The following SMARCA1 variants were observed in gnomAD, a reference collection of about 807,000 sequenced individuals.
The protein encoded by SMARCA1 is SWI/SNF-related matrix-associated actin-dependent regulator of chromatin subfamily A member 1.
In SMARCA1, 17 loss-of-function variants were observed where a neutral mutation model predicts 93.6. That is an observed-to-expected ratio of 0.18 (90% CI 0.12 to 0.27). The LOEUF (loss-of-function observed/expected upper bound fraction) is 0.27, where lower values mean the gene tolerates loss of function less well. Among genes scored for constraint, SMARCA1 ranks in the 10% least tolerant of loss-of-function variants. The probability of loss-of-function intolerance (pLI) is 1.00; values close to 1 mark genes in which losing one functional copy is unlikely to be tolerated. For missense variants in SMARCA1, 630 were observed against 819.0 expected (o/e 0.77, Z 2.82); for synonymous variants, 271 against 271.4 (o/e 1.00, Z 0.01).
chrX:129,479,653 ATATTTTATTTTATTT>A (rs3069688), intron 19 of SMARCA1, among the ~76,000 whole-genome samples: 158 of 94,046 alleles, frequency 1.7e-3, no homozygotes, highest in East Asian at 8.8e-3. Context: ...AATAGTGTTA[ATATTTTATTTTATTT>A]TATTTTATTT....
chrX:129,496,984 C>CGCACACACACACGT (rs959629800), intron 11 of SMARCA1, 113 bp from the exon 12 acceptor site: 5 of 547,974 alleles, frequency 9.1e-6, no homozygotes, highest in Non-Finnish European at 1.5e-5. Flanking sequence ...ACTCCACTAA[C>CGCACACACACACGT]GCACACACAC....
intron 9 of SMARCA1, among the ~76,000 whole-genome samples, 177 bp downstream of exon 9, chrX:129,504,549 TAAAAAAAA>T (rs780225300): frequency 0.04 from 966 of 23,897 alleles, no homozygotes; most frequent in Middle Eastern, 0.12. Context: ...CATAGAGGAA[TAAAAAAAA>T]AAAAAAAAAA....
chrX:129,496,877 A>G lies in SMARCA1; in HGVS notation c.1505-6T>C. Reference sequence around the variant, plus strand: ...GAAAATGAGAACCCTTGAACCTAAAACATTTCACCAAGAAAAAGTGAGTTG... The same window carrying G: ...GAAAATGAGAACCCTTGAACCTAAAGCATTTCACCAAGAAAAAGTGAGTTG... On this transcript the variant is annotated splice_region_variant and splice_polypyrimidine_tract_variant and intron_variant, in intron 11 of 24. Transcript: ENST00000371121. The G allele has an allele frequency of 8.4e-7, 1 of 1,193,861 alleles. No homozygotes were observed. The highest frequency in any genetic ancestry group is 1.1e-6 in the Non-Finnish European group (1 of 887,241).
chrX:129,483,850 G>GA (rs902587361), intron 17 of SMARCA1, among the ~76,000 whole-genome samples: 4 of 112,080 alleles, frequency 3.6e-5, no homozygotes, highest in Non-Finnish European at 5.6e-5. Context: ...AACCATATAT[G>GA]AAAATCTACC....
intron 1 of SMARCA1, among the ~76,000 whole-genome samples, chrX:129,520,367 G>A (rs867279138): frequency 1.7e-4 from 19 of 110,605 alleles, no homozygotes; most frequent in Middle Eastern, 4.6e-3. Context: ...TAATCCAACC[G>A]TCACTTAAAC....
At chrX:129,449,119 ATG>A (rs1932155703) in intron 23 of SMARCA1, among the ~76,000 whole-genome samples, 1 of 111,738 alleles carries the variant, frequency 8.9e-6, no homozygotes, top group Non-Finnish European at 1.9e-5. Flanking sequence ...TGAAGGGTGC[ATG>A]AGACCTCCCT....
intron 23 of SMARCA1, among the ~76,000 whole-genome samples, chrX:129,460,139 CCT>C (rs1319640930): frequency 1.8e-5 from 2 of 110,341 alleles, no homozygotes; most frequent in African/African-American, 6.6e-5. Context: ...AGAAAAAGAC[CCT>C]GTTTCAAAAA....
At chrX:129,487,183 T>A in intron 16 of SMARCA1, 46 bp from the exon 17 acceptor site, 1 of 957,738 alleles carries the variant, frequency 1.0e-6, no homozygotes, top group Non-Finnish European at 1.4e-6. Flanking sequence ...CTGAATTACT[T>A]GTAAAAGTCT....
rs1460711465 is a variant in SMARCA1, at chrX:129,491,037, C to G, written c.1816-845G>C. On this transcript the variant is annotated intron_variant, in intron 14 of 24. Transcript: ENST00000371121. ...TAACACTGTAACTTACTGGGGCTTACTCCTAGTTAGTCATATCAAACAGGT... is the reference window on the plus strand; with the variant it reads ...TAACACTGTAACTTACTGGGGCTTAGTCCTAGTTAGTCATATCAAACAGGT... Among the ~76,000 whole-genome samples, 4 of 111,862 alleles carry G rather than the reference C, an allele frequency of 3.6e-5. No individual in the cohort carries two copies. In the East Asian group the frequency reaches 1.1e-3, roughly 31 times the overall value.
intron 23 of SMARCA1, among the ~76,000 whole-genome samples, 193 bp from the exon 24 acceptor site, chrX:129,448,636 T>G (rs1435821146): frequency 1.8e-5 from 2 of 110,900 alleles, no homozygotes; most frequent in Non-Finnish European, 3.8e-5. Flanking sequence ...TATGGATGAC[T>G]GGTTAAACAA....
intron 1 of SMARCA1, among the ~76,000 whole-genome samples, chrX:129,521,266 G>C (rs147517106): frequency 8.9e-6 from 1 of 112,205 alleles, no homozygotes; most frequent in Non-Finnish European, 1.9e-5. Flanking sequence ...ACAACCTGCG[G>C]GATTTCAGGT....
intron 1 of SMARCA1, among the ~76,000 whole-genome samples, chrX:129,522,601 C>A (rs1311857049): frequency 9.0e-6 from 1 of 111,004 alleles, no homozygotes; most frequent in South Asian, 3.9e-4. Context: ...GGGGTTCAAA[C>A]GAACAAGGGA....
chrX:129,486,868 G>T (rs1343366131), intron 17 of SMARCA1, 150 bp downstream of exon 17: 3 of 492,792 alleles, frequency 6.1e-6, no homozygotes, highest in African/African-American at 4.8e-5. Context: ...TAAAATAAAC[G>T]AAAGATATAC....
Position 129,482,343 on chromosome X carries a change from T to G in SMARCA1, c.2218-1158A>C, listed in dbSNP as rs761318976. Reference sequence around the variant, plus strand: ...ACTTAAAGTATAATTTAAAAAAATTTAAAAAAGAAGAAAAAAAAGAAAGAA... The same window carrying G: ...ACTTAAAGTATAATTTAAAAAAATTGAAAAAAGAAGAAAAAAAAGAAAGAA... On this transcript the variant is annotated intron_variant, in intron 17 of 24. Transcript: ENST00000371121. Among the ~76,000 whole-genome samples, 14 of 109,945 alleles carry G rather than the reference T, an allele frequency of 1.3e-4. No individual in the cohort carries two copies. In the South Asian group the frequency reaches 5.4e-3, roughly 43 times the overall value.
chrX:129,490,688 G>T (rs1178012049), intron 14 of SMARCA1, among the ~76,000 whole-genome samples: 1 of 111,335 alleles, frequency 9.0e-6, no homozygotes, highest in Non-Finnish European at 1.9e-5. Flanking sequence ...GTTTATAGTT[G>T]GTACAGGTGA....
intron 23 of SMARCA1, among the ~76,000 whole-genome samples, chrX:129,460,517 G>T (rs1001912172): frequency 9.1e-6 from 1 of 110,321 alleles, no homozygotes; most frequent in African/African-American, 3.3e-5. Context: ...CGGTCGTAGT[G>T]ATGCGCAACT....
intron 9 of SMARCA1, among the ~76,000 whole-genome samples, chrX:129,500,777 A>G (rs12557301): frequency 0.015 from 1,737 of 112,082 alleles, 100 homozygotes; most frequent in Admixed American, 0.14. Flanking sequence ...CAAGTGCCAT[A>G]TATCAGGTCT....
intron 20 of SMARCA1, among the ~76,000 whole-genome samples, chrX:129,469,242 T>C (rs1159011300): frequency 8.9e-6 from 1 of 111,735 alleles, no homozygotes; most frequent in Non-Finnish European, 1.9e-5. Flanking sequence ...AGTACTTCAA[T>C]GATTTTTTTC....
In SMARCA1 at chrX:129,481,140, C is replaced by T; in HGVS notation, c.2263G>A (p.Ala755Thr). 1 of 1,207,271 alleles carries T rather than the reference C, an allele frequency of 8.3e-7. No homozygotes were observed. ...WIEPPKRERK[A>T]NYAVDAYFRE... ...AAGTAGGCATCCACTGCGTAGTTTG[C>T]TTTGCGTTCTCGTTTAGGAGGTTCA... The change falls in exon 18 of 25, where the codon GCA becomes ACA. Residue 755 changes from alanine (A) to threonine (T), a missense_variant. Physicochemically the swap from Ala to Thr is moderately conservative, Grantham distance 58. This residue lies in a region of SMARCA1 where 382 missense variants were observed against 537.9 expected (regional missense o/e 0.71). Coordinates refer to ENST00000371121, the MANE Select transcript of SMARCA1 (RefSeq NM_001282874.2).
Sources: allele counts gnomAD v4.1 joint callset (sites outside exome capture counted in the v4.1 genomes callset), GRCh38; gene constraint gnomAD v4.1.1; regional missense constraint gnomAD v4.1.1; transcripts MANE v1.5; gene names NCBI Gene and HGNC (gene_info 2026-07-23, HGNC 2026-07-21).